Variants in BBS9 observed in about 807,000 individuals in gnomAD.
The protein encoded by BBS9 is Bardet-Biedl syndrome 9, also known as protein PTHB1.
A neutral mutation model predicts 117.7 loss-of-function variants in BBS9; 89 were observed. The ratio of observed to expected loss-of-function variants is 0.76; its 90% CI spans 0.64 to 0.90. BBS9 has a LOEUF of 0.90. Ranked by LOEUF, BBS9 falls within the 40% of genes least tolerant of loss-of-function variation. The pLI, the probability that BBS9 is intolerant of heterozygous loss-of-function variation, is 0.00. For missense variants in BBS9, 982 were observed against 1,042.2 expected, an observed-to-expected ratio of 0.94 and a Z score of 0.80; for synonymous variants, 379 against 370.9, an observed-to-expected ratio of 1.02 and a Z score of -0.25.
At chr7:33,158,055 A>C (rs975119071) in intron 4 of BBS9, among the ~76,000 whole-genome samples, 1 of 152,216 alleles carries the variant, frequency 6.6e-6, no homozygotes, top group Non-Finnish European at 1.5e-5. Flanking sequence ...ACTTCTCAAG[A>C]GGCATTTACT....
chr7:33,570,907 TATCAC>T (rs1280334750), intron 21 of BBS9, among the ~76,000 whole-genome samples: 6 of 152,176 alleles, frequency 3.9e-5, no homozygotes, highest in African/African-American at 1.4e-4. Context: ...ACTAAGGAAT[TATCAC>T]AGACTGGAGG....
intron 19 of BBS9, among the ~76,000 whole-genome samples, chr7:33,432,610 T>G (rs1160202079): frequency 2.6e-5 from 4 of 152,172 alleles, no homozygotes; most frequent in Non-Finnish European, 4.4e-5. Context: ...ATCTCTTTGT[T>G]GTTTTAGAAG....
chr7:33,374,695 A>T (rs529583468), intron 17 of BBS9, among the ~76,000 whole-genome samples: 48 of 152,166 alleles, frequency 3.2e-4, no homozygotes, highest in African/African-American at 1.1e-3. Context: ...TAAGGTCGGG[A>T]GTTAGAGACC....
At chr7:33,471,991 C>T (rs1193242786) in intron 19 of BBS9, among the ~76,000 whole-genome samples, 2 of 151,342 alleles carry the variant, frequency 1.3e-5, no homozygotes, top group Admixed American at 1.3e-4. Flanking sequence ...AGGGATTGTT[C>T]TCCTAGTCAT....
chr7:33,263,101 T>G (rs1213161233), intron 6 of BBS9, among the ~76,000 whole-genome samples: 1 of 47,130 alleles, frequency 2.1e-5, no homozygotes, highest in Non-Finnish European at 4.6e-5. Flanking sequence ...TACGTTTTCA[T>G]ATTAATAAGA....
intron 19 of BBS9, among the ~76,000 whole-genome samples, chr7:33,434,293 A>G (rs1468781937): frequency 6.6e-6 from 1 of 150,702 alleles, no homozygotes; most frequent in African/African-American, 2.4e-5. Context: ...AAAAAAAAAA[A>G]CTCCGTTTTA....
intron 4 of BBS9, among the ~76,000 whole-genome samples, chr7:33,158,531 C>CT (rs1451769015): frequency 3.3e-5 from 5 of 152,062 alleles, no homozygotes; most frequent in Non-Finnish European, 5.9e-5. Context: ...GGAAAATTGT[C>CT]TTTTTCTCCA....
At chr7:33,515,780 A>T (rs1425708693) in intron 20 of BBS9, among the ~76,000 whole-genome samples, 1 of 152,158 alleles carries the variant, frequency 6.6e-6, no homozygotes, top group East Asian at 1.9e-4. Flanking sequence ...TTCTATCTGG[A>T]TGTATTTTCT....
chr7:33,338,297 C>A (rs1006371747), intron 10 of BBS9, among the ~76,000 whole-genome samples: 3 of 151,926 alleles, frequency 2.0e-5, no homozygotes, highest in Non-Finnish European at 2.9e-5. Flanking sequence ...GTAACTTGTA[C>A]CCTTATAAAA....
intron 9 of BBS9, among the ~76,000 whole-genome samples, chr7:33,278,192 G>A (rs529024493): frequency 1.3e-5 from 2 of 152,284 alleles, no homozygotes; most frequent in South Asian, 4.1e-4. Flanking sequence ...CGCCCTTTGA[G>A]TTTCAGCATG....
intron 19 of BBS9, among the ~76,000 whole-genome samples, chr7:33,485,784 A>G (rs1843034771): frequency 1.3e-5 from 2 of 152,194 alleles, no homozygotes; most frequent in Non-Finnish European, 2.9e-5. Context: ...AAAATTAAAT[A>G]ATTGATTAGG....
At chr7:33,329,979 A>G (rs1357277585) in intron 9 of BBS9, among the ~76,000 whole-genome samples, 1 of 151,758 alleles carries the variant, frequency 6.6e-6, no homozygotes, top group Non-Finnish European at 1.5e-5. Context: ...TCATTGATTT[A>G]TAAGAGTTCT....
At chr7:33,285,449 A>G (rs1351031778) in intron 9 of BBS9, among the ~76,000 whole-genome samples, 1 of 152,134 alleles carries the variant, frequency 6.6e-6, no homozygotes, top group Non-Finnish European at 1.5e-5. Context: ...TCCTCTTACT[A>G]TTGGTACCTC....
At chr7:33,583,297 T>G (rs1377711869) in intron 21 of BBS9, among the ~76,000 whole-genome samples, 1 of 152,088 alleles carries the variant, frequency 6.6e-6, no homozygotes, top group Admixed American at 6.6e-5. Context: ...TCAGCTTACA[T>G]GCATTTGATA....
At chr7:33,479,612 G>T (rs1467755731) in intron 19 of BBS9, among the ~76,000 whole-genome samples, 1 of 152,090 alleles carries the variant, frequency 6.6e-6, no homozygotes, top group African/African-American at 2.4e-5. Context: ...TTTCCTTTGG[G>T]TATATACCCA....
At chr7:33,573,976 T>C (rs930228318) in intron 21 of BBS9, among the ~76,000 whole-genome samples, 7 of 152,134 alleles carry the variant, frequency 4.6e-5, no homozygotes, top group African/African-American at 1.7e-4. Context: ...GGTGGTTCAC[T>C]GGTAGAATAT....
At chr7:33,592,315 G>T (rs1450584662) in intron 21 of BBS9, among the ~76,000 whole-genome samples, 1 of 152,008 alleles carries the variant, frequency 6.6e-6, no homozygotes, top group Non-Finnish European at 1.5e-5. Context: ...CTCTCAGAAA[G>T]CACATGCTAT....
At chr7:33,332,994 C>G (rs558749633) in intron 9 of BBS9, among the ~76,000 whole-genome samples, 9 of 152,124 alleles carry the variant, frequency 5.9e-5, no homozygotes, top group Non-Finnish European at 4.4e-5. Flanking sequence ...ATCTCTCAAC[C>G]CCCTCCCCCA....
chr7:33,148,339 G>C (rs1401454291), intron 2 of BBS9, among the ~76,000 whole-genome samples: 1 of 152,128 alleles, frequency 6.6e-6, no homozygotes, highest in African/African-American at 2.4e-5. Flanking sequence ...CAGGGGAAGT[G>C]TGGGAAGAGT....
Sources: gnomAD v4.1 joint callset for allele counts (sites outside exome capture counted in the v4.1 genomes callset) on GRCh38, gnomAD v4.1.1 for gene constraint, MANE v1.5 for transcripts, NCBI Gene and HGNC (gene_info 2026-07-23, HGNC 2026-07-21) for gene names.